KIDINS220: variants seen among roughly 807,000 people sequenced by gnomAD.
The protein encoded by KIDINS220 is kinase D-interacting substrate of 220 kDa.
KIDINS220 carries 63 observed loss-of-function variants against 157.6 expected under a neutral mutation model. That is an observed-to-expected ratio of 0.40 (90% CI 0.33 to 0.49). The LOEUF (loss-of-function observed/expected upper bound fraction) is 0.49, where lower values mean the gene tolerates loss of function less well. Ranked by LOEUF, KIDINS220 falls within the 20% of genes least tolerant of loss-of-function variation. The pLI is 0.66. For synonymous variants in KIDINS220, 732 were observed against 783.6 expected, an observed-to-expected ratio of 0.93 and a Z score of 1.10; for missense variants, 1,772 against 2,171.2, an observed-to-expected ratio of 0.82 and a Z score of 3.65.
intron 23 of KIDINS220, 46 bp downstream of exon 23, chr2:8,751,420 T>A (rs751564862): frequency 6.0e-6 from 9 of 1,487,946 alleles, no homozygotes; most frequent in Non-Finnish European, 8.3e-6. Flanking sequence ...ACATGAAAAA[T>A]TCTTAGAACT....
chr2:8,796,082 C>G (rs1673873601), intron 11 of KIDINS220, among the ~76,000 whole-genome samples: 1 of 152,128 alleles, frequency 6.6e-6, no homozygotes, highest in Admixed American at 6.6e-5. Flanking sequence ...TTTTGTTTAA[C>G]TGCCTTATAA....
chr2:8,790,334 A>G (rs1041570865), intron 13 of KIDINS220, among the ~76,000 whole-genome samples: 1 of 152,176 alleles, frequency 6.6e-6, no homozygotes, highest in African/African-American at 2.4e-5. Flanking sequence ...CCATCTGTCA[A>G]GATTTTCTTG....
intron 4 of KIDINS220, among the ~76,000 whole-genome samples, chr2:8,814,580 G>GAA (rs1676789389): frequency 6.6e-6 from 1 of 152,146 alleles, no homozygotes; most frequent in South Asian, 2.1e-4. Context: ...ACATATGAGG[G>GAA]AAACAGAAAA....
At chr2:8,749,872 T>C (rs918611364) in intron 24 of KIDINS220, among the ~76,000 whole-genome samples, 2 of 152,122 alleles carry the variant, frequency 1.3e-5, no homozygotes, top group African/African-American at 2.4e-5. Context: ...CATTTACTTA[T>C]CAAGAAACTA....
At chr2:8,825,022 GA>G (rs762745801) in intron 2 of KIDINS220, among the ~76,000 whole-genome samples, 1 of 152,170 alleles carries the variant, frequency 6.6e-6, no homozygotes, top group Non-Finnish European at 1.5e-5. Context: ...GGTTTAGGGA[GA>G]GGGGGAAAGG....
rs1355946705 is a variant in KIDINS220, at chr2:8,735,178, GT to G, written c.3718-426del. On this transcript the variant is annotated intron_variant, in intron 27 of 29. Coordinates refer to ENST00000256707, the MANE Select transcript of KIDINS220 (RefSeq NM_020738.4). ...TAAATGAAGTAGGCCTGGCAAACTT[GT>G]TTATCCGTTATATTAGATACAGATA... 2.6e-5 allele frequency among the ~76,000 whole-genome samples: 4 copies of G among 152,288 alleles called. No homozygotes were observed. The East Asian group carries it at 7.7e-4, about 29-fold the overall frequency.
chr2:8,757,667 T>C lies in KIDINS220; in HGVS notation c.3012-6023A>G, dbSNP rs758702770. 7 of 1,612,214 alleles carry C rather than the reference T, an allele frequency of 4.3e-6. No homozygotes were observed. In the Admixed American group the frequency reaches 6.7e-5, roughly 15 times the overall value. On this transcript the variant is annotated intron_variant, in intron 22 of 29. Transcript: ENST00000256707. ...TCTGAGGGAGTCATGGCCTGTTCCA[T>C]GTCCTGCTTATTTGCAAATGCCATT...
At chr2:8,739,355 A>C (rs558978423) in intron 26 of KIDINS220, among the ~76,000 whole-genome samples, 1 of 152,330 alleles carries the variant, frequency 6.6e-6, no homozygotes, top group South Asian at 2.1e-4. Context: ...TCTGACCCTT[A>C]TTATAAGTTG....
intron 22 of KIDINS220, among the ~76,000 whole-genome samples, chr2:8,756,779 C>G (rs1243045321): frequency 5.3e-5 from 8 of 152,186 alleles, no homozygotes; most frequent in African/African-American, 1.9e-4. Flanking sequence ...AACCTAATTA[C>G]CAAAGGCACC....
chr2:8,736,765 G>A (rs1558313332), intron 27 of KIDINS220, 103 bp downstream of exon 27: 1 of 1,210,688 alleles, frequency 8.3e-7, no homozygotes, highest in East Asian at 2.4e-5. Context: ...TTTTAACAGG[G>A]AATGCATGTT....
At chr2:8,761,052 T>G (rs754737774) in intron 22 of KIDINS220, among the ~76,000 whole-genome samples, 1 of 152,202 alleles carries the variant, frequency 6.6e-6, no homozygotes, top group African/African-American at 2.4e-5. Flanking sequence ...GCCTGCTTTT[T>G]GGCATCAAGA....
Position 8,788,644 on chromosome 2 carries a change from C to T in KIDINS220, c.1787+3G>A, listed in dbSNP as rs909840873. On this transcript the variant is annotated splice_donor_region_variant and intron_variant, in intron 15 of 29. Coordinates refer to ENST00000256707, the MANE Select transcript of KIDINS220 (RefSeq NM_020738.4). ...ATTTCTTCTGTCAAATGGTACAACT[C>T]ACCTCACAGGTAAAGCTTTAGTAGT... 2 of 1,610,798 alleles carry T rather than the reference C, an allele frequency of 1.2e-6. No individual in the cohort carries two copies. Among genetic ancestry groups the T allele is most frequent in the African/African-American group, 1.3e-5 (1 of 74,868 alleles).
chr2:8,729,670 C>T lies in KIDINS220; in HGVS notation c.*1050G>A. The T allele has an allele frequency of 1.0e-6, 1 of 984,750 alleles. No individual in the cohort carries two copies. The highest frequency in any genetic ancestry group is 1.2e-6 in the Non-Finnish European group (1 of 829,418). 61.0% of individuals were successfully genotyped at this position (984,750 alleles called of 1,614,324 possible). A position where few individuals can be genotyped will look rare whatever the true frequency, so the allele number is the denominator to read the frequency against. The stretch of plus-strand genomic sequence containing the variant: ...TATTTCCTTTCTTATGATCCTTCCC[C>T]AGAACTAACATGCTGACTTAGGAAC... On this transcript the variant is annotated 3_prime_UTR_variant, in exon 30 of 30. Coordinates refer to ENST00000256707, the MANE Select transcript of KIDINS220 (RefSeq NM_020738.4).
rs754136771 is a variant in KIDINS220 at position 8,731,153 on chromosome 2, A to G, written c.4883T>C (p.Ile1628Thr). 18 of 1,614,032 alleles carry G rather than the reference A, an allele frequency of 1.1e-5. No individual in the cohort carries two copies. Among genetic ancestry groups the G allele is most frequent in the Non-Finnish European group, 1.5e-5 (18 of 1,180,036 alleles). ...EDDSHSGKRG[I>T]PHSLSGLQDP... ...TTGCAGGCCACTCAGGCTATGTGGGATTCCCCGCTTTCCGCTGTGACTGTC... is the reference window on the plus strand; with the variant it reads ...TTGCAGGCCACTCAGGCTATGTGGGGTTCCCCGCTTTCCGCTGTGACTGTC... The change falls in exon 30 of 30, where the codon ATC becomes ACC. Residue 1628 changes from isoleucine to threonine, a missense_variant. Physicochemically the swap from Ile to Thr is moderately conservative, Grantham distance 89. Around this residue, in one of 3 missense-constraint regions of KIDINS220, gnomAD observed 793 missense variants for 885.5 expected, o/e 0.90. Transcript: ENST00000256707. This position sits in a 1 kb window ranked among gnomAD's most constrained non-coding sequence, Gnocchi z 5.2.
At chr2:8,777,587 A>AC (rs1215752471) in intron 20 of KIDINS220, among the ~76,000 whole-genome samples, 7 of 152,328 alleles carry the variant, frequency 4.6e-5, no homozygotes, top group African/African-American at 1.7e-4. Flanking sequence ...AAGCATGAGC[A>AC]CTGCACCTGG....
intron 8 of KIDINS220, among the ~76,000 whole-genome samples, chr2:8,802,212 C>A (rs1177514051): frequency 6.6e-6 from 1 of 152,138 alleles, no homozygotes; most frequent in Non-Finnish European, 1.5e-5. Context: ...CTCAGTGCAA[C>A]AGGAAGTCTT....
At chr2:8,804,938 C>T (rs922433360) in intron 7 of KIDINS220, among the ~76,000 whole-genome samples, 1 of 152,148 alleles carries the variant, frequency 6.6e-6, no homozygotes, top group African/African-American at 2.4e-5. Flanking sequence ...AGACTGCCCC[C>T]GCTTCCCATG....
Position 8,817,626 on chromosome 2 carries a change from G to A in KIDINS220, c.298C>T (p.Arg100Cys), listed in dbSNP as rs1227314788. The A allele has an allele frequency of 1.9e-6, 3 of 1,592,222 alleles. No individual in the cohort carries two copies. Among genetic ancestry groups the A allele is most frequent in the Non-Finnish European group, 1.7e-6 (2 of 1,165,058 alleles). ...LLKCGVNLEH[R>C]DMGGWTALMW... ...TATAAAAATGTCCATACCATATCACGGTGCTCCAAGTTAACCCCACATTTC... is the reference window on the plus strand; with the variant it reads ...TATAAAAATGTCCATACCATATCACAGTGCTCCAAGTTAACCCCACATTTC... Residue 100 changes from arginine (R) to cysteine (C), a missense_variant, in exon 4 of 30, where the codon CGT (arginine) becomes TGT (cysteine). Transcript: ENST00000256707.
At chr2:8,774,078 G>C (rs1200986466) in intron 21 of KIDINS220, among the ~76,000 whole-genome samples, 1 of 151,968 alleles carries the variant, frequency 6.6e-6, no homozygotes, top group Non-Finnish European at 1.5e-5. Context: ...GGCCGAGGCG[G>C]GCGGATCAGG....
Sources: gnomAD v4.1 joint callset for allele counts (sites outside exome capture counted in the v4.1 genomes callset) on GRCh38, gnomAD v4.1.1 for gene constraint, gnomAD v4.1.1 regional missense constraint, Gnocchi (gnomAD v3.1) non-coding constraint, MANE v1.5 for transcripts, NCBI Gene and HGNC (gene_info 2026-07-23, HGNC 2026-07-21) for gene names.